EYS: variants seen among roughly 807,000 people sequenced by gnomAD.
EYS encodes protein eyes shut homolog.
In EYS, 250 loss-of-function variants were observed where a neutral mutation model predicts 282.1. The observed-to-expected ratio is 0.89, with a 90% confidence interval of 0.80 to 0.98. The LOEUF (loss-of-function observed/expected upper bound fraction) is 0.98, where lower values mean the gene tolerates loss of function less well. Ranked by LOEUF, EYS falls within the 50% of genes least tolerant of loss-of-function variation. EYS has a pLI of 0.00. For synonymous variants in EYS, 1,355 were observed against 1,282.9 expected (o/e 1.06, Z -1.20); for missense variants, 4,016 against 3,709.0 (o/e 1.08, Z -2.15).
At chr6:65,330,105 T>C (rs1355622605) in intron 11 of EYS, 1 of 981,144 alleles carries the variant, frequency 1.0e-6, no homozygotes, top group Non-Finnish European at 1.2e-6. Context: ...ACTTTAGTAC[T>C]TTAAAAATGT....
chr6:65,565,454 G>A (rs1199385758), intron 2 of EYS, among the ~76,000 whole-genome samples: 3 of 152,064 alleles, frequency 2.0e-5, no homozygotes, highest in African/African-American at 7.2e-5. Flanking sequence ...AACAACAGAT[G>A]CTGGAGAGGA....
At chr6:64,372,099 G>A (rs1301821277) in intron 29 of EYS, among the ~76,000 whole-genome samples, 1 of 139,508 alleles carries the variant, frequency 7.2e-6, no homozygotes, top group Non-Finnish European at 1.5e-5. Context: ...TTGTGTGGCT[G>A]CTTTATAGCA....
chr6:64,739,077 T>C (rs1772282503), intron 22 of EYS, among the ~76,000 whole-genome samples: 1 of 152,202 alleles, frequency 6.6e-6, no homozygotes, highest in African/African-American at 2.4e-5. Flanking sequence ...TTTCTTCCTG[T>C]TTGTACAAGA....
chr6:64,195,645 C>A (rs1036566283), intron 31 of EYS, among the ~76,000 whole-genome samples: 2 of 152,060 alleles, frequency 1.3e-5, no homozygotes, highest in Non-Finnish European at 2.9e-5. Context: ...CTTTTTCATT[C>A]TATAATATTA....
chr6:65,083,754 A>C (rs1172164377), intron 12 of EYS, among the ~76,000 whole-genome samples: 1 of 151,830 alleles, frequency 6.6e-6, no homozygotes, highest in African/African-American at 2.4e-5. Context: ...ACTGGTCTCT[A>C]AGTATGCTTT....
rs528422144 is a variant in EYS, at chr6:64,543,374, C to T, written c.5644+46849G>A. The stretch of plus-strand genomic sequence containing the variant: ...GGATTATTTATTTCTGACAGATTTG[C>T]CTATATTGTAGTTAAAGAAATTGGC... On this transcript the variant is annotated intron_variant, in intron 26 of 42. Transcript: ENST00000503581. Among the ~76,000 whole-genome samples, 8 of 151,864 alleles carry T rather than the reference C, an allele frequency of 5.3e-5. No individual in the cohort carries two copies. In the South Asian group the frequency reaches 1.7e-3, roughly 32 times the overall value.
At chr6:65,427,971 AT>A (rs1767728834) in intron 5 of EYS, among the ~76,000 whole-genome samples, 2 of 151,962 alleles carry the variant, frequency 1.3e-5, no homozygotes, top group African/African-American at 4.8e-5. Context: ...AATAAAGAAA[AT>A]TTCATTTTAT....
At position 64,836,292 on chromosome 6, in the gene EYS, T is replaced by C. The variant is rs988471111; in HGVS notation, c.2993-13470A>G. Reference sequence around the variant, plus strand: ...TACATATCATGAATATATTATGATTTATTTTATATATATATATACACACTA... The same window carrying C: ...TACATATCATGAATATATTATGATTCATTTTATATATATATATACACACTA... On this transcript the variant is annotated intron_variant, in intron 19 of 42. Coordinates refer to ENST00000503581, the MANE Select transcript of EYS (RefSeq NM_001142800.2). 2.0e-5 allele frequency among the ~76,000 whole-genome samples: 3 copies of C among 150,142 alleles called. No individual in the cohort carries two copies. The Admixed American group carries it at 2.0e-4, about 10-fold the overall frequency.
intron 35 of EYS, among the ~76,000 whole-genome samples, chr6:63,901,822 C>T (rs1773666032): frequency 6.6e-6 from 1 of 151,682 alleles, no homozygotes; most frequent in Non-Finnish European, 1.5e-5. Context: ...GTTCAGCATC[C>T]CTAATCCAAA....
chr6:64,448,152 C>T (rs985992486), intron 26 of EYS, among the ~76,000 whole-genome samples: 1 of 152,160 alleles, frequency 6.6e-6, no homozygotes, highest in African/African-American at 2.4e-5. Flanking sequence ...CGGGTAACTC[C>T]CACCCTAATA....
chr6:63,831,239 GC>G (rs761027278), intron 36 of EYS, among the ~76,000 whole-genome samples: 24 of 152,072 alleles, frequency 1.6e-4, no homozygotes, highest in Non-Finnish European at 2.8e-4. Context: ...ATGTAAATGG[GC>G]TAAATGCCCC....
At chr6:63,870,959 T>C (rs536771384) in intron 35 of EYS, among the ~76,000 whole-genome samples, 8 of 152,324 alleles carry the variant, frequency 5.3e-5, no homozygotes, top group African/African-American at 7.2e-5. Context: ...TGTTCAGATC[T>C]TTCCCAGTCC....
intron 23 of EYS, among the ~76,000 whole-genome samples, chr6:64,620,086 T>C (rs2149851759): frequency 6.6e-6 from 1 of 152,260 alleles, no homozygotes; most frequent in Non-Finnish European, 1.5e-5. Flanking sequence ...TCTAGTTATT[T>C]AAGCAAAACG....
At chr6:65,607,082 G>A in intron 2 of EYS, among the ~76,000 whole-genome samples, 1 of 151,722 alleles carries the variant, frequency 6.6e-6, no homozygotes, top group East Asian at 1.9e-4. Context: ...TTTAGATATT[G>A]TGATAATTTC....
At chr6:64,978,191 G>T (rs1263449492) in intron 14 of EYS, among the ~76,000 whole-genome samples, 1 of 151,924 alleles carries the variant, frequency 6.6e-6, no homozygotes, top group African/African-American at 2.4e-5. Flanking sequence ...AGGACAAGCT[G>T]ACACTCTGGT....
In EYS at chr6:64,868,805, A is replaced by G. The variant is rs79990121; in HGVS notation, c.2992+17892T>C. Among the ~76,000 whole-genome samples the G allele has an allele frequency of 3.0e-4, 46 of 151,618 alleles. 2 individuals are homozygous for G. In the East Asian group the frequency reaches 8.9e-3, roughly 29 times the overall value. On this transcript the variant is annotated intron_variant, in intron 19 of 42. Coordinates refer to ENST00000503581, the MANE Select transcript of EYS (RefSeq NM_001142800.2). ...AATTATACAAACAGGCCATCAGGTT[A>G]AAAAGAATTACAATTTGAGTACTAC... is the stretch of plus-strand genomic sequence containing the variant.
Position 65,081,328 on chromosome 6 carries a change from C to T in EYS, c.2024-23601G>A, listed in dbSNP as rs1224971060. On this transcript the variant is annotated intron_variant, in intron 12 of 42. Transcript: ENST00000503581. The stretch of plus-strand genomic sequence containing the variant: ...GTGGGGACCCATAGCTAACCTAAGG[C>T]AACAAAACAGGGACATGTTGGAGCC... Among the ~76,000 whole-genome samples the T allele has an allele frequency of 2.0e-5, 3 of 152,108 alleles. No individual in the cohort carries two copies. In the East Asian group the frequency reaches 5.8e-4, roughly 29 times the overall value.
chr6:63,947,295 T>C (rs1423894470), intron 35 of EYS, among the ~76,000 whole-genome samples: 1 of 152,198 alleles, frequency 6.6e-6, no homozygotes, highest in South Asian at 2.1e-4. Flanking sequence ...TTTTTTCATC[T>C]AAAAATATGA....
intron 12 of EYS, among the ~76,000 whole-genome samples, chr6:65,138,241 A>G (rs1392396819): frequency 6.6e-6 from 1 of 152,126 alleles, no homozygotes; most frequent in African/African-American, 2.4e-5. Context: ...TGCAAATTGA[A>G]CTATTAAGAT....
Sources: gnomAD v4.1 joint callset for allele counts (sites outside exome capture counted in the v4.1 genomes callset) on GRCh38, gnomAD v4.1.1 for gene constraint, MANE v1.5 for transcripts, NCBI Gene and HGNC (gene_info 2026-07-23, HGNC 2026-07-21) for gene names.